The following SNTG1 variants were observed in gnomAD, a reference collection of about 807,000 sequenced individuals.
The protein encoded by SNTG1 is syntrophin gamma 1, also known as gamma-1-syntrophin.
A neutral mutation model predicts 74.7 loss-of-function variants in SNTG1; 39 were observed. That is an observed-to-expected ratio of 0.52 (90% CI 0.40 to 0.68). The LOEUF (loss-of-function observed/expected upper bound fraction) is 0.68, where lower values mean the gene tolerates loss of function less well. Ranked by LOEUF, SNTG1 falls within the 30% of genes least tolerant of loss-of-function variation. The probability of loss-of-function intolerance (pLI) is 0.00; values close to 1 mark genes in which losing one functional copy is unlikely to be tolerated. For synonymous variants in SNTG1, 254 were observed against 217.1 expected, an observed-to-expected ratio of 1.17 and a Z score of -1.49; for missense variants, 685 against 609.5, an observed-to-expected ratio of 1.12 and a Z score of -1.30.
rs905781118 is a variant in SNTG1 at position 50,047,511 on chromosome 8, T to C, written c.-102-125050T>C. Among the ~76,000 whole-genome samples, 8 of 152,210 alleles carry C rather than the reference T, an allele frequency of 5.3e-5. No individual in the cohort carries two copies. The East Asian group carries it at 9.7e-4, about 18-fold the overall frequency. ...GGACTCAAAATTAAGAGATACTAGG[T>C]AATCATAAAAAGCTATTTTAATTAC... On this transcript the variant is annotated intron_variant, in intron 1 of 18. Transcript: ENST00000642720.
At chr8:50,660,342 G>GAGAA (rs879494647) in intron 15 of SNTG1, among the ~76,000 whole-genome samples, 54 of 127,934 alleles carry the variant, frequency 4.2e-4, no homozygotes, top group Non-Finnish European at 6.9e-4. Flanking sequence ...AAGAAAGAAA[G>GAGAA]AGAAAGAAAG....
At chr8:50,391,837 G>A (rs2092666009) in intron 2 of SNTG1, among the ~76,000 whole-genome samples, 1 of 151,984 alleles carries the variant, frequency 6.6e-6, no homozygotes, top group African/African-American at 2.4e-5. Flanking sequence ...TTTTACTTCT[G>A]AGATCGTCCC....
chr8:50,176,755 T>C (rs549231989), intron 2 of SNTG1, among the ~76,000 whole-genome samples: 26 of 152,346 alleles, frequency 1.7e-4, no homozygotes, highest in Admixed American at 3.9e-4. Context: ...AGGGAACATT[T>C]CTGTAGCTCC....
At chr8:50,587,373 T>C (rs2094657240) in intron 12 of SNTG1, among the ~76,000 whole-genome samples, 1 of 152,148 alleles carries the variant, frequency 6.6e-6, no homozygotes. Flanking sequence ...CATAAGCATT[T>C]GTAATGAATG....
At chr8:50,326,837 C>T (rs906546099) in intron 2 of SNTG1, among the ~76,000 whole-genome samples, 33 of 152,082 alleles carry the variant, frequency 2.2e-4, no homozygotes, top group African/African-American at 7.9e-4. Context: ...TCCTAAATTT[C>T]CTTCTAAGCA....
intron 1 of SNTG1, among the ~76,000 whole-genome samples, chr8:50,166,016 G>A (rs1467685908): frequency 1.5e-5 from 2 of 134,274 alleles, no homozygotes; most frequent in Non-Finnish European, 3.1e-5. Context: ...AACAAGCAAT[G>A]GGGAAAGGAT....
At chr8:50,090,359 G>T (rs928220991) in intron 1 of SNTG1, among the ~76,000 whole-genome samples, 27 of 152,244 alleles carry the variant, frequency 1.8e-4, no homozygotes, top group African/African-American at 6.0e-4. Context: ...ATCCCTGGAT[G>T]CAGTTTCTCT....
At chr8:50,684,510 G>GA (rs2095343895) in intron 15 of SNTG1, among the ~76,000 whole-genome samples, 1 of 151,870 alleles carries the variant, frequency 6.6e-6, no homozygotes, top group Non-Finnish European at 1.5e-5. Flanking sequence ...ATGTCTTAGG[G>GA]AAAATTCTGT....
chr8:50,596,205 A>G (rs2094726026), intron 13 of SNTG1, among the ~76,000 whole-genome samples: 1 of 151,980 alleles, frequency 6.6e-6, no homozygotes, highest in Non-Finnish European at 1.5e-5. Context: ...TAGAATAATG[A>G]TGTTGAGCAT....
chr8:50,784,756 A>G (rs527900521), intron 18 of SNTG1, among the ~76,000 whole-genome samples: 2 of 152,204 alleles, frequency 1.3e-5, no homozygotes, highest in Non-Finnish European at 2.9e-5. Flanking sequence ...GCTAATATCT[A>G]AGATCTAACT....
At chr8:50,337,873 A>G (rs1211611555) in intron 2 of SNTG1, among the ~76,000 whole-genome samples, 1 of 152,212 alleles carries the variant, frequency 6.6e-6, no homozygotes, top group Non-Finnish European at 1.5e-5. Context: ...GCAGTGGCTC[A>G]CGCCTGTAAT....
rs182595395 is a variant in SNTG1, at chr8:50,510,272, A to C, written c.466+7392A>C. 1.5e-3 allele frequency among the ~76,000 whole-genome samples: 224 copies of C among 152,164 alleles called. 1 individual carries two copies. Among genetic ancestry groups the C allele is most frequent in the African/African-American group, 5.2e-3 (216 of 41,514 alleles). ...GCATCCCAGGGATGAAGCCCACTTG[A>C]TCATGTTGGATAAGCTTTTTGATGT... is the stretch of plus-strand genomic sequence containing the variant. On this transcript the variant is annotated intron_variant, in intron 9 of 18. Coordinates refer to ENST00000642720, the MANE Select transcript of SNTG1 (RefSeq NM_018967.5).
At chr8:49,917,376 G>A (rs571058267) in intron 1 of SNTG1, among the ~76,000 whole-genome samples, 1 of 152,244 alleles carries the variant, frequency 6.6e-6, no homozygotes, top group East Asian at 1.9e-4. Context: ...CTCTCATGGT[G>A]GAACATACAT....
intron 11 of SNTG1, 39 bp downstream of exon 11, chr8:50,536,847 GAA>G (rs748747489): frequency 1.3e-6 from 2 of 1,599,496 alleles, no homozygotes; most frequent in South Asian, 1.1e-5. Context: ...TTTTGTTTAT[GAA>G]AAAAGAGACC....
chr8:50,246,640 G>A (rs987470648), intron 2 of SNTG1, among the ~76,000 whole-genome samples: 2 of 152,050 alleles, frequency 1.3e-5, no homozygotes, highest in African/African-American at 2.4e-5. Flanking sequence ...GAATGAATAG[G>A]AGCATTATCG....
chr8:50,728,426 A>C (rs2095505267), intron 17 of SNTG1, among the ~76,000 whole-genome samples: 1 of 152,178 alleles, frequency 6.6e-6, no homozygotes. Context: ...TAAAATGTTG[A>C]GGCCTGGTGA....
At position 50,663,515 on chromosome 8, in the gene SNTG1, A is replaced by T. The variant is rs1009702890; in HGVS notation, c.1038+4852A>T. 7.2e-5 allele frequency among the ~76,000 whole-genome samples: 11 copies of T among 152,162 alleles called. No individual in the cohort carries two copies. The South Asian group carries it at 2.3e-3, about 32-fold the overall frequency. On this transcript the variant is annotated intron_variant, in intron 15 of 18. Coordinates refer to ENST00000642720, the MANE Select transcript of SNTG1 (RefSeq NM_018967.5). ...CCTGAATAGATAGTGCCCTCACAGT[A>T]GCTACTCACCTGCATAGACCAGCCT...
chr8:50,560,445 A>G lies in SNTG1; in HGVS notation c.810+7266A>G, dbSNP rs149479378. On this transcript the variant is annotated intron_variant, in intron 12 of 18. Transcript: ENST00000642720. ...TATGCTCATTGCAGCACTATTCACG[A>G]TAGCAAGGACATTGAATCAACCCAA... 4.0e-3 allele frequency among the ~76,000 whole-genome samples: 608 copies of G among 152,386 alleles called. 4 individuals carry two copies. The highest frequency in any genetic ancestry group is 0.014 in the African/African-American group (569 of 41,580).
At chr8:49,931,261 T>C (rs774478453) in intron 1 of SNTG1, among the ~76,000 whole-genome samples, 11 of 152,256 alleles carry the variant, frequency 7.2e-5, no homozygotes, top group Non-Finnish European at 1.6e-4. Context: ...AGTTTGGCCT[T>C]ATTTATTAAA....
Sources: allele counts gnomAD v4.1 joint callset (sites outside exome capture counted in the v4.1 genomes callset), GRCh38; gene constraint gnomAD v4.1.1; transcripts MANE v1.5; gene names NCBI Gene and HGNC (gene_info 2026-07-23, HGNC 2026-07-21).